The following MTMR8 variants were observed in gnomAD, a reference collection of about 807,000 sequenced individuals.
MTMR8 encodes the protein myotubularin related protein 8, also known as phosphatidylinositol-3,5-bisphosphate 3-phosphatase MTMR8.
MTMR8 carries 65 observed loss-of-function variants against 39.3 expected under a neutral mutation model. The ratio of observed to expected loss-of-function variants is 1.65; its 90% CI spans 1.35 to 2.03. The LOEUF (loss-of-function observed/expected upper bound fraction) is 2.03, where lower values mean the gene tolerates loss of function less well. MTMR8 is among the 30% of genes most tolerant of loss of function. The pLI is 0.00. For missense variants in MTMR8, 777 were observed against 538.9 expected (o/e 1.44, Z -4.37); for synonymous variants, 245 against 185.2 (o/e 1.32, Z -2.62).
At chrX:64,336,213 G>C in intron 9 of MTMR8, 85 bp from the exon 10 acceptor site, 5 of 646,720 alleles carry the variant, frequency 7.7e-6, no homozygotes, top group Non-Finnish European at 1.2e-5. Context: ...AAAACACTTT[G>C]CTGAAATAGT....
intron 12 of MTMR8, among the ~76,000 whole-genome samples, chrX:64,317,470 C>A (rs755117790): frequency 8.9e-6 from 1 of 111,939 alleles, no homozygotes; most frequent in African/African-American, 3.2e-5. Flanking sequence ...TTCCCTTCCA[C>A]TCTGCTGTTG....
At chrX:64,315,049 G>A (rs186855207) in intron 12 of MTMR8, among the ~76,000 whole-genome samples, 3 of 111,905 alleles carry the variant, frequency 2.7e-5, no homozygotes, top group Non-Finnish European at 3.8e-5. Flanking sequence ...ATGACAGCAA[G>A]TCGAGTTAGG....
chrX:64,365,302 T>A (rs1489921789), intron 1 of MTMR8, among the ~76,000 whole-genome samples: 1 of 109,353 alleles, frequency 9.1e-6, no homozygotes, highest in Non-Finnish European at 1.9e-5. Flanking sequence ...CCAAGACACA[T>A]AATTGTCAGA....
At chrX:64,295,716 C>T (rs1392536440) in intron 12 of MTMR8, among the ~76,000 whole-genome samples, 1 of 111,132 alleles carries the variant, frequency 9.0e-6, no homozygotes, top group Non-Finnish European at 1.9e-5. Context: ...ATGCTCAATG[C>T]CACTAGTCAT....
At chrX:64,380,897 A>C (rs944635153) in intron 1 of MTMR8, among the ~76,000 whole-genome samples, 4 of 111,612 alleles carry the variant, frequency 3.6e-5, no homozygotes, top group Admixed American at 2.9e-4. Context: ...TTCCAGCTTC[A>C]TCCATGACCC....
rs569735059 is a variant in MTMR8, at chrX:64,348,997, A to G, written c.598-203T>C. Among the ~76,000 whole-genome samples, 36 of 111,549 alleles carry G rather than the reference A, an allele frequency of 3.2e-4. No homozygotes were observed. The South Asian group carries it at 0.011, about 33-fold the overall frequency. ...TGCCTACCCTGGGCATGTGGCTCTA[A>G]TTTCCAACCCAGTCTTGGTAAATCA... On this transcript the variant is annotated intron_variant, in intron 5 of 13. Transcript: ENST00000374852.
intron 12 of MTMR8, among the ~76,000 whole-genome samples, chrX:64,302,891 A>T (rs1406601051): frequency 8.9e-6 from 1 of 112,102 alleles, no homozygotes; most frequent in African/African-American, 3.2e-5. Flanking sequence ...ATATTAATAG[A>T]CATGTCAGCT....
rs1160320608 is a variant in MTMR8, at chrX:64,317,781, G to C, written c.1481+10991C>G. ...GTTTTAGCAGGCTTACTATAAAACT[G>C]TTTTGGCAGGGGATAATAAAGAAGG... On this transcript the variant is annotated intron_variant, in intron 12 of 13. Transcript: ENST00000374852. 2.7e-5 allele frequency among the ~76,000 whole-genome samples: 3 copies of C among 112,089 alleles called. No individual in the cohort carries two copies. In the Middle Eastern group the frequency reaches 0.014, roughly 517 times the overall value.
At chrX:64,367,508 C>A (rs1924005586) in intron 1 of MTMR8, among the ~76,000 whole-genome samples, 1 of 111,972 alleles carries the variant, frequency 8.9e-6, no homozygotes, top group Non-Finnish European at 1.9e-5. Context: ...ACGACAAAAA[C>A]CACATGATTA....
intron 1 of MTMR8, among the ~76,000 whole-genome samples, chrX:64,367,529 T>A (rs750590606): frequency 8.9e-6 from 1 of 112,064 alleles, no homozygotes; most frequent in African/African-American, 3.2e-5. Flanking sequence ...TCTCAATAGA[T>A]GCAGAAAAGG....
At chrX:64,292,982 A>T (rs974262480) in intron 12 of MTMR8, among the ~76,000 whole-genome samples, 62 of 111,091 alleles carry the variant, frequency 5.6e-4, no homozygotes, top group African/African-American at 2.0e-3. Flanking sequence ...TCCATCCTAT[A>T]CTAGGCCTTA....
intron 12 of MTMR8, among the ~76,000 whole-genome samples, chrX:64,327,400 T>C (rs772423623): frequency 4.5e-5 from 5 of 111,823 alleles, no homozygotes; most frequent in Non-Finnish European, 9.4e-5. Flanking sequence ...AAAGAAGATA[T>C]ACAAATGGCC....
rs142250980 is a variant in MTMR8 at position 64,331,744 on chromosome X, C to T, written c.1165G>A (p.Asp389Asn). The T allele has an allele frequency of 1.0e-5, 12 of 1,204,677 alleles. No individual in the cohort carries two copies. The highest frequency in any genetic ancestry group is 5.3e-5 in the African/African-American group (3 of 57,024). The change falls in exon 11 of 14, where the codon GAT becomes AAT. Residue 389 changes from aspartate to asparagine, a missense_variant. Transcript: ENST00000374852. ...HKFSQRCGHL[D>N]GDSKEVSPIF... Reference sequence around the variant, plus strand: ...GGGGACACTTCTTTAGAGTCCCCATCGAGGTGGCCACACCTGAGAGATGAA... The same window carrying T: ...GGGGACACTTCTTTAGAGTCCCCATTGAGGTGGCCACACCTGAGAGATGAA...
chrX:64,301,779 T>C (rs1476076307), intron 12 of MTMR8, among the ~76,000 whole-genome samples: 2 of 111,822 alleles, frequency 1.8e-5, no homozygotes, highest in Non-Finnish European at 1.9e-5. Flanking sequence ...TTCTGTTTGT[T>C]AGTTTTCCTT....
intron 1 of MTMR8, 109 bp from the exon 2 acceptor site, chrX:64,359,636 T>A (rs1047245377): frequency 8.3e-5 from 66 of 798,642 alleles, no homozygotes; most frequent in Non-Finnish European, 1.0e-4. Flanking sequence ...AAAACTCGAG[T>A]CTTTCCAGTT....
chrX:64,296,350 G>A lies in MTMR8; in HGVS notation c.1482-25277C>T, dbSNP rs892122580. 2.7e-5 allele frequency among the ~76,000 whole-genome samples: 3 copies of A among 111,323 alleles called. No homozygotes were observed. In the Admixed American group the frequency reaches 2.9e-4, roughly 11 times the overall value. ...GAGAGTTATTTTGTTATGCTATGGA[G>A]TTTCTGTTTGGGATGATGAAAGAGT... On this transcript the variant is annotated intron_variant, in intron 12 of 13. Transcript: ENST00000374852.
chrX:64,361,084 G>A (rs1399740493), intron 1 of MTMR8, among the ~76,000 whole-genome samples: 7 of 110,800 alleles, frequency 6.3e-5, no homozygotes, highest in Non-Finnish European at 1.3e-4. Context: ...AATGAAAAAG[G>A]GAAAATATAA....
intron 1 of MTMR8, among the ~76,000 whole-genome samples, chrX:64,390,975 G>A (rs1040314173): frequency 2.7e-5 from 3 of 112,251 alleles, no homozygotes; most frequent in Non-Finnish European, 3.8e-5. Context: ...ACTCTTTTAA[G>A]TATACAATTC....
intron 4 of MTMR8, 123 bp from the exon 5 acceptor site, chrX:64,350,193 C>G: frequency 1.5e-5 from 5 of 333,479 alleles, no homozygotes; most frequent in Non-Finnish European, 2.1e-5. Context: ...ATATGTCAGT[C>G]TTTTCATAGA....
Sources: allele counts gnomAD v4.1 joint callset (sites outside exome capture counted in the v4.1 genomes callset), GRCh38; gene constraint gnomAD v4.1.1; transcripts MANE v1.5; gene names NCBI Gene and HGNC (gene_info 2026-07-23, HGNC 2026-07-21).